Variants in ZNF567 observed in about 807,000 individuals in gnomAD.
ZNF567 encodes the protein zinc finger protein 567.
In ZNF567, 36 loss-of-function variants were observed where a neutral mutation model predicts 53.9. That is an observed-to-expected ratio of 0.67 (90% CI 0.51 to 0.88). ZNF567 has a LOEUF of 0.88. Among genes scored for constraint, ZNF567 ranks in the 40% least tolerant of loss-of-function variants. The pLI is 0.00. For synonymous variants in ZNF567, 224 were observed against 260.4 expected (o/e 0.86, Z 1.35); for missense variants, 619 against 764.7 (o/e 0.81, Z 2.25).
downstream of ZNF567, among the ~76,000 whole-genome samples, chr19:36,726,271 T>C (rs572657937): frequency 6.6e-6 from 1 of 152,350 alleles, no homozygotes; most frequent in African/African-American, 2.4e-5. Context: ...TCATTGTCAT[T>C]TTCATGCTCG....
At chr19:36,688,970 A>G (rs562098100) in intron 1 of ZNF567, among the ~76,000 whole-genome samples, 3 of 151,802 alleles carry the variant, frequency 2.0e-5, no homozygotes, top group South Asian at 4.2e-4. Flanking sequence ...ATGATGGCGC[A>G]TGCCTGTAGC....
At chr19:36,702,078 C>T (rs1349689283) in intron 3 of ZNF567, among the ~76,000 whole-genome samples, 4 of 151,960 alleles carry the variant, frequency 2.6e-5, no homozygotes, top group Admixed American at 6.6e-5. Context: ...TTCCTTTCCA[C>T]GTTTAGTGCT....
At chr19:36,724,917 A>AT (rs1478223831), downstream of ZNF567, among the ~76,000 whole-genome samples, 2 of 151,618 alleles carry the variant, frequency 1.3e-5, no homozygotes, top group Non-Finnish European at 2.9e-5. Context: ...CCTTCAAAAA[A>AT]TTTTTTGAAT....
At chr19:36,695,843 T>C (rs1012437113) in intron 3 of ZNF567, among the ~76,000 whole-genome samples, 1 of 151,938 alleles carries the variant, frequency 6.6e-6, no homozygotes, top group Admixed American at 6.6e-5. Flanking sequence ...TAAAAAAATA[T>C]ATAAGGCTTT....
chr19:36,682,349 TTATCTATATG>T, the ZNF567 span, among the ~76,000 whole-genome samples: 1 of 151,496 alleles, frequency 6.6e-6, no homozygotes, highest in Non-Finnish European at 1.5e-5. Context: ...GGATATAATG[TTATCTATATG>T]TATCTATATA....
At chr19:36,710,460 GAA>G (rs1244394709) in intron 3 of ZNF567, among the ~76,000 whole-genome samples, 1 of 151,942 alleles carries the variant, frequency 6.6e-6, no homozygotes, top group Non-Finnish European at 1.5e-5. Context: ...ATTGTAATCT[GAA>G]TTCTGTTATA....
chr19:36,691,157 G>A (rs990576310), intron 2 of ZNF567, among the ~76,000 whole-genome samples: 1 of 151,304 alleles, frequency 6.6e-6, no homozygotes, highest in African/African-American at 2.4e-5. Context: ...TTGTTTTCTT[G>A]TTTTGTTTGT....
chr19:36,676,882 G>A, the ZNF567 span, among the ~76,000 whole-genome samples: 26 of 152,194 alleles, frequency 1.7e-4, no homozygotes, highest in Admixed American at 3.9e-4. Flanking sequence ...AGGGCCGGGC[G>A]CGGTGGCTCA....
chr19:36,712,819 G>C lies in ZNF567; in HGVS notation c.175G>C (p.Glu59Gln). Residue 59 changes from glutamate (E) to glutamine (Q), a missense_variant, in exon 5 of 6, where the codon GAA becomes CAA. Coordinates refer to ENST00000682579, the MANE Select transcript of ZNF567 (RefSeq NM_001322917.1). ...MTKPDVILKL[E>Q]RGEEPWTSFA... The stretch of plus-strand genomic sequence containing the variant: ...CAAACCTGATGTGATCCTCAAGTTG[G>C]AACGAGGAGAAGAGCCATGGACATC... 1.2e-6 allele frequency: 2 copies of C among 1,614,082 alleles called. No homozygotes were observed. Among genetic ancestry groups the C allele is most frequent in the Non-Finnish European group, 1.7e-6 (2 of 1,180,000 alleles).
intron 3 of ZNF567, among the ~76,000 whole-genome samples, chr19:36,707,966 G>C (rs987776874): frequency 6.6e-6 from 1 of 152,108 alleles, no homozygotes; most frequent in Non-Finnish European, 1.5e-5. Flanking sequence ...TACAATCAGA[G>C]CTCACTGCAG....
At chr19:36,704,044 A>G (rs546117667) in intron 3 of ZNF567, among the ~76,000 whole-genome samples, 1 of 152,348 alleles carries the variant, frequency 6.6e-6, no homozygotes, top group East Asian at 1.9e-4. Flanking sequence ...GGAGCTGTAG[A>G]CCAGAGCTGT....
At chr19:36,716,450 C>CA (rs757459738) in intron 5 of ZNF567, among the ~76,000 whole-genome samples, 27 of 152,250 alleles carry the variant, frequency 1.8e-4, no homozygotes, top group Admixed American at 1.0e-3. Context: ...CTTGAATAGT[C>CA]ATATAATTTC....
downstream of ZNF567, chr19:36,727,010 C>CTTTCTTTCTTTCTTTCTTTCTTTTT (rs1555809300): frequency 8.1e-6 from 1 of 123,888 alleles, no homozygotes; most frequent in South Asian, 2.5e-4. Flanking sequence ...TTCTTTCTTT[C>CTTTCTTTCTTTCTTTCTTTCTTTTT]CTTTTTTTTT....
the ZNF567 span, among the ~76,000 whole-genome samples, chr19:36,674,557 GAAAT>G: frequency 6.6e-6 from 1 of 152,136 alleles, no homozygotes; most frequent in African/African-American, 2.4e-5. Flanking sequence ...TTTCGGAAGT[GAAAT>G]AAATCCTTCT....
intron 2 of ZNF567, among the ~76,000 whole-genome samples, chr19:36,691,011 G>A (rs914302685): frequency 8.5e-5 from 13 of 152,156 alleles, no homozygotes; most frequent in Admixed American, 7.9e-4. Flanking sequence ...AGAAATAATT[G>A]AATTCCAAAT....
chr19:36,722,877 G>A (rs1323560998), downstream of ZNF567, among the ~76,000 whole-genome samples: 2 of 152,036 alleles, frequency 1.3e-5, no homozygotes, highest in Non-Finnish European at 2.9e-5. Flanking sequence ...GTGTATGTGT[G>A]TATATATGTA....
the ZNF567 span, among the ~76,000 whole-genome samples, chr19:36,680,309 T>C: frequency 1.4e-4 from 22 of 152,328 alleles, no homozygotes; most frequent in African/African-American, 4.6e-4. Context: ...GTCTAGAACA[T>C]TGTTGCTGTT....
chr19:36,712,545 A>G (rs1382218171), intron 4 of ZNF567, 33 bp downstream of exon 4: 4 of 1,613,528 alleles, frequency 2.5e-6, no homozygotes, highest in Admixed American at 3.3e-5. Context: ...CTTTAGTAGC[A>G]TGCACTTCCT....
Position 36,720,139 on chromosome 19 carries a change from C to G in ZNF567, c.1415C>G (p.Thr472Arg), listed in dbSNP as rs1410273474. 1 of 1,613,784 alleles carries G rather than the reference C, an allele frequency of 6.2e-7. No individual in the cohort carries two copies. The highest frequency in any genetic ancestry group is 1.7e-5 in the Admixed American group (1 of 59,976). ...CTTGTAGCACATCAGAGAACACATA[C>G]AGGGGAGAAATCTTATGAATGTCCT... ...TTLVAHQRTH[T>R]GEKSYECPHC... is the part of the protein sequence containing the mutation. Residue 472 changes from threonine (T) to arginine (R), a missense_variant, in exon 6 of 6, where the codon ACA becomes AGA. Coordinates refer to ENST00000682579, the MANE Select transcript of ZNF567 (RefSeq NM_001322917.1).
Sources: gnomAD v4.1 joint callset for allele counts (sites outside exome capture counted in the v4.1 genomes callset) on GRCh38, gnomAD v4.1.1 for gene constraint, MANE v1.5 for transcripts, NCBI Gene and HGNC (gene_info 2026-07-23, HGNC 2026-07-21) for gene names.